The following GRIA2 variants were observed in gnomAD, a reference collection of about 807,000 sequenced individuals.
GRIA2 encodes glutamate receptor 2.
In GRIA2, 14 loss-of-function variants were observed where a neutral mutation model predicts 97.3. That is an observed-to-expected ratio of 0.14 (90% CI 0.10 to 0.23). GRIA2 has a LOEUF of 0.23. GRIA2 is among the 10% of genes least tolerant of loss of function. GRIA2 has a pLI of 1.00. For missense variants in GRIA2, 558 were observed against 1,069.8 expected (o/e 0.52, Z 6.67); for synonymous variants, 412 against 387.8 (o/e 1.06, Z -0.73).
At chr4:157,360,980 T>C in intron 13 of GRIA2, 30 bp from the exon 14 acceptor site, 1 of 1,509,624 alleles carries the variant, frequency 6.6e-7, no homozygotes, top group Non-Finnish European at 9.2e-7. Context: ...TTGCTCACCC[T>C]GTCTGACAAG....
At chr4:157,228,790 CAA>C (rs5863257) in intron 2 of GRIA2, among the ~76,000 whole-genome samples, 2 of 39,768 alleles carry the variant, frequency 5.0e-5, no homozygotes, top group Non-Finnish European at 3.9e-5. Context: ...GATTCCATCT[CAA>C]AAAAAAAAAA....
At chr4:157,320,176 G>C (rs1383114154) in intron 5 of GRIA2, among the ~76,000 whole-genome samples, 1 of 151,980 alleles carries the variant, frequency 6.6e-6, no homozygotes, top group Non-Finnish European at 1.5e-5. Flanking sequence ...TATAAACATG[G>C]GCTGAGATCA....
intron 2 of GRIA2, among the ~76,000 whole-genome samples, chr4:157,302,750 G>A (rs1733670349): frequency 6.6e-6 from 1 of 152,146 alleles, no homozygotes. Context: ...ATTATAATGA[G>A]CACATAACTT....
chr4:157,282,837 A>T (rs147297463), intron 2 of GRIA2, among the ~76,000 whole-genome samples: 2,753 of 152,208 alleles, frequency 0.018, 35 homozygotes, highest in Middle Eastern at 0.037. Context: ...GAGCCCAGAA[A>T]ATATGTATGA....
intron 2 of GRIA2, among the ~76,000 whole-genome samples, chr4:157,225,809 C>T (rs1312284760): frequency 2.6e-5 from 4 of 151,716 alleles, no homozygotes; most frequent in Admixed American, 2.6e-4. Context: ...AAAAAATCTG[C>T]CTTTTTGTGA....
chr4:157,353,046 A>T (rs1201190750), intron 12 of GRIA2, among the ~76,000 whole-genome samples: 2 of 152,044 alleles, frequency 1.3e-5, no homozygotes, highest in African/African-American at 4.8e-5. Context: ...CGACAGAGCG[A>T]GACTTCATCT....
intron 5 of GRIA2, among the ~76,000 whole-genome samples, chr4:157,318,097 GA>G (rs1355072297): frequency 6.6e-6 from 1 of 151,906 alleles, no homozygotes; most frequent in Non-Finnish European, 1.5e-5. Flanking sequence ...TATTATAAAT[GA>G]TATAAGAATT....
At chr4:157,338,165 G>T (rs1560773295) in intron 11 of GRIA2, among the ~76,000 whole-genome samples, 7 of 150,800 alleles carry the variant, frequency 4.6e-5, no homozygotes. Flanking sequence ...TAATAATTTG[G>T]AGGCAAATAC....
intron 5 of GRIA2, among the ~76,000 whole-genome samples, chr4:157,319,763 A>G (rs146305657): frequency 6.6e-6 from 1 of 152,124 alleles, no homozygotes; most frequent in Non-Finnish European, 1.5e-5. Context: ...TCTGCAGATA[A>G]TATTATTGAT....
intron 2 of GRIA2, among the ~76,000 whole-genome samples, chr4:157,282,798 C>A (rs1282546345): frequency 1.3e-5 from 2 of 152,110 alleles, no homozygotes; most frequent in East Asian, 3.9e-4. Context: ...CTATTTCTGG[C>A]AATGTTTACC....
chr4:157,313,874 C>A (rs955612189), intron 4 of GRIA2, among the ~76,000 whole-genome samples: 4 of 151,960 alleles, frequency 2.6e-5, no homozygotes, highest in Non-Finnish European at 5.9e-5. Flanking sequence ...TTAACACATA[C>A]TTTGTATGTT....
intron 3 of GRIA2, among the ~76,000 whole-genome samples, chr4:157,309,382 C>T (rs1327131757): frequency 6.8e-5 from 10 of 147,662 alleles, no homozygotes; most frequent in Non-Finnish European, 1.2e-4. Context: ...AATGGAGTCC[C>T]GCTCTGTCAC....
At chr4:157,244,658 C>G (rs556236005) in intron 2 of GRIA2, among the ~76,000 whole-genome samples, 7 of 152,134 alleles carry the variant, frequency 4.6e-5, no homozygotes, top group African/African-American at 1.7e-4. Context: ...AAAGAGGCTA[C>G]TGATACTAGA....
chr4:157,261,866 T>C (rs2126769622), intron 2 of GRIA2, among the ~76,000 whole-genome samples: 1 of 152,218 alleles, frequency 6.6e-6, no homozygotes, highest in South Asian at 2.1e-4. Context: ...GCTTCCTGAT[T>C]TTGCCTTCAA....
chr4:157,290,558 T>C (rs905599949), intron 2 of GRIA2, among the ~76,000 whole-genome samples: 8 of 151,308 alleles, frequency 5.3e-5, no homozygotes, highest in African/African-American at 1.9e-4. Flanking sequence ...TGGAATAGAA[T>C]AGCAATTTCA....
At position 157,363,055 on chromosome 4, in the gene GRIA2, C is replaced by T. The variant is rs769993221; in HGVS notation, c.*3+8C>T. ...AGTGTTAAAATTTAGGGGGTAGGAA[C>T]GAGGCTCTAATACAAACTTTTTAGT... On this transcript the variant is annotated splice_region_variant and intron_variant, in intron 15 of 15. Transcript: ENST00000264426. 1.7e-5 allele frequency: 27 copies of T among 1,602,562 alleles called. No individual in the cohort carries two copies. In the South Asian group the frequency reaches 1.9e-4, roughly 11 times the overall value.
At chr4:157,248,603 GTATA>G (rs1262069142) in intron 2 of GRIA2, among the ~76,000 whole-genome samples, 1 of 35,616 alleles carries the variant, frequency 2.8e-5, no homozygotes, top group Non-Finnish European at 6.0e-5. Context: ...GTATATATAT[GTATA>G]TATACATGTA....
Position 157,340,958 on chromosome 4 carries a change from A to G in GRIA2, c.1845-306A>G, listed in dbSNP as rs553816547. On this transcript the variant is annotated intron_variant, in intron 11 of 15. Transcript: ENST00000264426. ...CATCATGAGTGGATAAACTTTTATG[A>G]GTATTTGTAAATTTCTTGAAATTGC... 3.3e-5 allele frequency among the ~76,000 whole-genome samples: 5 copies of G among 152,024 alleles called. No individual in the cohort carries two copies. In the South Asian group the frequency reaches 6.2e-4, roughly 19 times the overall value.
chr4:157,343,760 C>T (rs937179461), intron 12 of GRIA2, among the ~76,000 whole-genome samples: 34 of 152,008 alleles, frequency 2.2e-4, no homozygotes, highest in Non-Finnish European at 8.8e-5. Context: ...AGAATAGGAA[C>T]TGTATATGTT....
Sources: allele counts gnomAD v4.1 joint callset (sites outside exome capture counted in the v4.1 genomes callset), GRCh38; gene constraint gnomAD v4.1.1; transcripts MANE v1.5; gene names NCBI Gene and HGNC (gene_info 2026-07-23, HGNC 2026-07-21).